NPAS3: variants seen among roughly 807,000 people sequenced by gnomAD.
NPAS3 encodes the protein neuronal PAS domain protein 3.
Under a neutral mutation model 73.1 loss-of-function variants are expected in NPAS3, and 14 were observed. That is an observed-to-expected ratio of 0.19 (90% confidence interval 0.13 to 0.30). The LOEUF is 0.30. Among genes scored for constraint, NPAS3 ranks in the 10% least tolerant of loss-of-function variants. The pLI, the probability that NPAS3 is intolerant of heterozygous loss-of-function variation, is 1.00. For synonymous variants in NPAS3, 620 were observed against 541.5 expected, an observed-to-expected ratio of 1.14 and a Z score of -2.01; for missense variants, 1,096 against 1,250.0, an observed-to-expected ratio of 0.88 and a Z score of 1.86.
At chr14:32,944,397 C>G (rs11850347) in intron 1 of NPAS3, among the ~76,000 whole-genome samples, 4,655 of 152,216 alleles carry the variant, frequency 0.031, 219 homozygotes, top group African/African-American at 0.1. Flanking sequence ...TTAAATTTTA[C>G]TTGATTAAAT....
chr14:33,624,042 CA>C (rs927995637), intron 5 of NPAS3, among the ~76,000 whole-genome samples: 3 of 152,168 alleles, frequency 2.0e-5, no homozygotes, highest in African/African-American at 7.2e-5. Context: ...CTCAGACTAC[CA>C]CATTTAAAAT....
At chr14:33,232,058 T>G (rs1459674912) in intron 3 of NPAS3, among the ~76,000 whole-genome samples, 1 of 152,192 alleles carries the variant, frequency 6.6e-6, no homozygotes, top group Non-Finnish European at 1.5e-5. Context: ...AGGTAATGAT[T>G]ACATTTCAGC....
intron 2 of NPAS3, among the ~76,000 whole-genome samples, chr14:33,132,173 A>G (rs963938037): frequency 1.3e-5 from 2 of 152,066 alleles, no homozygotes; most frequent in Admixed American, 6.6e-5. Flanking sequence ...TTGCATGAAG[A>G]CCTTGGATTA....
chr14:33,776,521 TAAAAAAAAAAAAAAAAA>T (rs552348267), intron 8 of NPAS3, among the ~76,000 whole-genome samples: 51 of 32,058 alleles, frequency 1.6e-3, no homozygotes, highest in South Asian at 9.7e-3. Context: ...TTCTTCCTCT[TAAAAAAAAAAAAAAAAA>T]AAAAAAAAAA....
chr14:33,147,608 G>A (rs2044280917), intron 2 of NPAS3, among the ~76,000 whole-genome samples: 1 of 151,464 alleles, frequency 6.6e-6, no homozygotes, highest in Admixed American at 6.6e-5. Flanking sequence ...GATAGCATTA[G>A]GAGATAGACC....
Position 33,266,416 on chromosome 14 carries a change from C to T in NPAS3, c.385+50990C>T, listed in dbSNP as rs562132991. Among the ~76,000 whole-genome samples the T allele has an allele frequency of 2.0e-5, 3 of 152,258 alleles. No individual in the cohort carries two copies. The South Asian group carries it at 6.2e-4, about 32-fold the overall frequency. On this transcript the variant is annotated intron_variant, in intron 3 of 11. Transcript: ENST00000356141. ...GAGCTCATATCTAGGTTCCAAGTCT[C>T]ACACCATAACCCATCAATGAGAATC...
rs535740584 is a variant in NPAS3 at position 33,447,726 on chromosome 14, C to T, written c.468+80458C>T. ...TCCAGGGGTTTCAAGCCAGCCTGGG[C>T]AACACAGTGAGATCTTGTCTCTACA... On this transcript the variant is annotated intron_variant, in intron 4 of 11. Transcript: ENST00000356141. 3.3e-5 allele frequency among the ~76,000 whole-genome samples: 5 copies of T among 152,128 alleles called. No homozygotes were observed. In the East Asian group the frequency reaches 5.8e-4, roughly 18 times the overall value.
At chr14:33,083,962 T>C (rs953160736) in intron 2 of NPAS3, among the ~76,000 whole-genome samples, 6 of 152,184 alleles carry the variant, frequency 3.9e-5, no homozygotes, top group African/African-American at 1.4e-4. Context: ...ATCCTTTAAG[T>C]AATGCAGGAA....
At chr14:33,023,414 C>G (rs2039679572) in intron 1 of NPAS3, among the ~76,000 whole-genome samples, 1 of 152,140 alleles carries the variant, frequency 6.6e-6, no homozygotes, top group African/African-American at 2.4e-5. Flanking sequence ...CATATTTCTT[C>G]TATGTATCTT....
At chr14:33,259,149 C>A (rs1220818202) in intron 3 of NPAS3, among the ~76,000 whole-genome samples, 1 of 152,176 alleles carries the variant, frequency 6.6e-6, no homozygotes, top group African/African-American at 2.4e-5. Context: ...GAAAGAATTG[C>A]CTTCACTCTG....
intron 5 of NPAS3, among the ~76,000 whole-genome samples, chr14:33,604,364 T>C (rs1354718841): frequency 6.6e-6 from 1 of 152,032 alleles, no homozygotes. Context: ...AGTAGCTATG[T>C]TAATAGGAAA....
chr14:33,172,498 G>A (rs1021870629), intron 2 of NPAS3, among the ~76,000 whole-genome samples: 1 of 152,144 alleles, frequency 6.6e-6, no homozygotes, highest in African/African-American at 2.4e-5. Context: ...CATTTTGGGA[G>A]GCCAAGGCAG....
intron 3 of NPAS3, among the ~76,000 whole-genome samples, chr14:33,242,120 T>TA (rs1191711420): frequency 6.6e-6 from 1 of 152,054 alleles, no homozygotes; most frequent in African/African-American, 2.4e-5. Context: ...TTGGCTATCT[T>TA]ATGATTCTTC....
intron 6 of NPAS3, among the ~76,000 whole-genome samples, chr14:33,729,258 T>C (rs1184337382): frequency 6.6e-6 from 1 of 152,188 alleles, no homozygotes; most frequent in African/African-American, 2.4e-5. Flanking sequence ...CCTACACATG[T>C]AAATTCAACC....
chr14:33,150,831 G>T (rs2044418146), intron 2 of NPAS3, among the ~76,000 whole-genome samples: 2 of 152,168 alleles, frequency 1.3e-5, no homozygotes, highest in Admixed American at 1.3e-4. Flanking sequence ...GTCAGATTAT[G>T]AAGTCATTTT....
At chr14:33,215,026 G>T (rs2139674981) in intron 2 of NPAS3, 156 bp from the exon 3 acceptor site, 1 of 719,554 alleles carries the variant, frequency 1.4e-6, no homozygotes. Context: ...GGCTTTAGTG[G>T]ACATTTTCTG....
intron 2 of NPAS3, among the ~76,000 whole-genome samples, chr14:33,159,088 G>A (rs932557079): frequency 7.9e-5 from 12 of 152,074 alleles, no homozygotes; most frequent in Non-Finnish European, 1.8e-4. Context: ...CTTGGATCTG[G>A]GAGGCGGAAA....
At chr14:33,343,773 C>T (rs1009743847) in intron 3 of NPAS3, among the ~76,000 whole-genome samples, 4 of 152,126 alleles carry the variant, frequency 2.6e-5, no homozygotes, top group Non-Finnish European at 4.4e-5. Context: ...TAAGCAATAC[C>T]GTGATGGAAT....
chr14:32,996,501 CTG>C (rs1054574092), intron 1 of NPAS3, among the ~76,000 whole-genome samples: 4 of 152,162 alleles, frequency 2.6e-5, no homozygotes, highest in Non-Finnish European at 2.9e-5. Context: ...GGAGGAAAAA[CTG>C]GTTTTGTGAG....
Sources: allele counts gnomAD v4.1 joint callset (sites outside exome capture counted in the v4.1 genomes callset), GRCh38; gene constraint gnomAD v4.1.1; transcripts MANE v1.5; gene names NCBI Gene and HGNC (gene_info 2026-07-23, HGNC 2026-07-21).